Variants in GSG1L observed in about 807,000 individuals in gnomAD.
The protein encoded by GSG1L is germ cell-specific gene 1-like protein.
A neutral mutation model predicts 42.1 loss-of-function variants in GSG1L; 24 were observed. The observed-to-expected ratio is 0.57, with a 90% CI of 0.41 to 0.80. The LOEUF is 0.80. GSG1L is among the 30% of genes least tolerant of loss of function. The pLI, the probability that GSG1L is intolerant of heterozygous loss-of-function variation, is 0.00. For missense variants in GSG1L, 445 were observed against 472.2 expected, an observed-to-expected ratio of 0.94 and a Z score of 0.53; for synonymous variants, 215 against 203.5, an observed-to-expected ratio of 1.06 and a Z score of -0.48.
At chr16:27,959,768 C>A (rs989432921) in intron 2 of GSG1L, among the ~76,000 whole-genome samples, 1 of 152,064 alleles carries the variant, frequency 6.6e-6, no homozygotes, top group Non-Finnish European at 1.5e-5. Context: ...GGCAACAGAG[C>A]AAGACCCCAT....
intron 1 of GSG1L, among the ~76,000 whole-genome samples, chr16:28,012,408 C>A (rs2085730893): frequency 6.6e-6 from 1 of 152,150 alleles, no homozygotes; most frequent in East Asian, 1.9e-4. Flanking sequence ...CCTCTCTGAG[C>A]CTCCATTTTC....
At chr16:27,877,363 A>G (rs2083900533) in intron 3 of GSG1L, among the ~76,000 whole-genome samples, 2 of 152,194 alleles carry the variant, frequency 1.3e-5, no homozygotes, top group East Asian at 3.8e-4. Flanking sequence ...AAGAAGTATT[A>G]AGATTTACCT....
At chr16:27,856,025 G>C (rs1203191987) in intron 3 of GSG1L, among the ~76,000 whole-genome samples, 3 of 152,148 alleles carry the variant, frequency 2.0e-5, no homozygotes, top group African/African-American at 7.2e-5. Context: ...GCTCATTTTA[G>C]AGCAGGATTT....
At chr16:27,888,615 C>G (rs1245051435) in intron 2 of GSG1L, among the ~76,000 whole-genome samples, 1 of 148,378 alleles carries the variant, frequency 6.7e-6, no homozygotes, top group African/African-American at 2.5e-5. Flanking sequence ...CTCTCCCCGC[C>G]CCCCTTTCTT....
At chr16:27,891,119 G>C (rs1709768) in intron 2 of GSG1L, among the ~76,000 whole-genome samples, 92,684 of 151,940 alleles carry the variant, frequency 0.61, 28,941 homozygotes, top group Admixed American at 0.73. Context: ...AGAAGCAGCC[G>C]TCCCCCCGTG....
intron 2 of GSG1L, among the ~76,000 whole-genome samples, chr16:27,894,429 T>C (rs566881319): frequency 6.6e-6 from 1 of 152,256 alleles, no homozygotes; most frequent in Non-Finnish European, 1.5e-5. Flanking sequence ...CAAAGTCATA[T>C]GAAGTCTCAA....
At chr16:27,979,696 AAGGAAGG>A (rs2085298433) in intron 1 of GSG1L, among the ~76,000 whole-genome samples, 1 of 52,226 alleles carries the variant, frequency 1.9e-5, no homozygotes, top group Non-Finnish European at 4.2e-5. Flanking sequence ...AGAAGGAAGG[AAGGAAGG>A]AAGGAAGGAA....
intron 5 of GSG1L, among the ~76,000 whole-genome samples, chr16:27,819,944 G>A (rs1030792352): frequency 3.9e-5 from 6 of 152,132 alleles, no homozygotes; most frequent in Admixed American, 6.5e-5. Flanking sequence ...AGACTAGGAC[G>A]ATGGAAGTGG....
chr16:27,997,199 G>A (rs2085524331), intron 1 of GSG1L, among the ~76,000 whole-genome samples: 1 of 151,252 alleles, frequency 6.6e-6, no homozygotes, highest in Admixed American at 6.6e-5. Flanking sequence ...TCTCCTGGAT[G>A]CCCACATGCC....
intron 2 of GSG1L, among the ~76,000 whole-genome samples, chr16:27,890,262 C>T (rs1357212394): frequency 6.6e-6 from 1 of 152,118 alleles, no homozygotes; most frequent in Non-Finnish European, 1.5e-5. Context: ...CTCAGGGATG[C>T]CATACCAGCC....
chr16:27,920,250 G>T (rs55638423), intron 2 of GSG1L, among the ~76,000 whole-genome samples: 1 of 152,056 alleles, frequency 6.6e-6, no homozygotes, highest in Non-Finnish European at 1.5e-5. Context: ...AGGAATCATG[G>T]TGTGCCTACT....
In GSG1L at chr16:28,047,987, G is replaced by A. The variant is rs144387464; in HGVS notation, c.349+15089C>T. Among the ~76,000 whole-genome samples, 111 of 151,954 alleles carry A rather than the reference G, an allele frequency of 7.3e-4. 2 individuals are homozygous for A. In the East Asian group the frequency reaches 0.015, roughly 20 times the overall value. ...TAATCCTAGCACTTTGGGAGGCTGA[G>A]GCAGGAAGATTGCTTGAGGCCAATA... On this transcript the variant is annotated intron_variant, in intron 1 of 6. Coordinates refer to ENST00000447459, the MANE Select transcript of GSG1L (RefSeq NM_001109763.2).
At chr16:28,034,753 T>C (rs997985208) in intron 1 of GSG1L, among the ~76,000 whole-genome samples, 1 of 152,148 alleles carries the variant, frequency 6.6e-6, no homozygotes, top group Non-Finnish European at 1.5e-5. Context: ...CACTGTGGGA[T>C]ATTTAGCGGC....
chr16:28,004,231 G>T (rs897262039), intron 1 of GSG1L, among the ~76,000 whole-genome samples: 8 of 152,170 alleles, frequency 5.3e-5, no homozygotes, highest in Non-Finnish European at 7.3e-5. Context: ...CTCCCTTGCC[G>T]CCAAGGCCCC....
chr16:27,948,947 T>C (rs924163928), intron 2 of GSG1L, among the ~76,000 whole-genome samples: 1 of 148,956 alleles, frequency 6.7e-6, no homozygotes, highest in Non-Finnish European at 1.5e-5. Flanking sequence ...AGAAAAGATC[T>C]CATTCTGTTA....
At chr16:27,993,091 G>T (rs2085472841) in intron 1 of GSG1L, among the ~76,000 whole-genome samples, 1 of 152,168 alleles carries the variant, frequency 6.6e-6, no homozygotes, top group African/African-American at 2.4e-5. Context: ...GTACAGTGAG[G>T]TTTAGTACCT....
intron 1 of GSG1L, among the ~76,000 whole-genome samples, chr16:28,051,159 C>T (rs1488723288): frequency 1.3e-5 from 2 of 152,172 alleles, no homozygotes; most frequent in Non-Finnish European, 2.9e-5. Flanking sequence ...TCATTACCTA[C>T]CAGTCCCAGG....
In GSG1L at chr16:27,812,258, C is replaced by T. The variant is rs145651773; in HGVS notation, c.831-4704G>A. Among the ~76,000 whole-genome samples the T allele has an allele frequency of 1.5e-3, 223 of 152,252 alleles. 1 individual carries two copies. Among genetic ancestry groups the T allele is most frequent in the African/African-American group, 5.1e-3 (213 of 41,554 alleles). On this transcript the variant is annotated intron_variant, in intron 5 of 6. Coordinates refer to ENST00000447459, the MANE Select transcript of GSG1L (RefSeq NM_001109763.2). ...AAAGACCCCTGCCCTCAAGGATCTC[C>T]TGTTGGTTTTACCCATACACAAATA...
Position 27,803,779 on chromosome 16 carries a change from A to ATATC in GSG1L, c.898+3707_898+3708insGATA, listed in dbSNP as rs2082912913. Among the ~76,000 whole-genome samples the ATATC allele has an allele frequency of 1.3e-4, 11 of 83,366 alleles. No individual in the cohort carries two copies. The Admixed American group carries it at 1.6e-3, about 12-fold the overall frequency. 54.7% of individuals were successfully genotyped at this position (83,366 alleles called of 152,430 possible). A position where few individuals can be genotyped will look rare whatever the true frequency, so the allele number is the denominator to read the frequency against. On this transcript the variant is annotated intron_variant, in intron 6 of 6. Transcript: ENST00000447459. ...CCACAGTGCAGACATATATATATATATATATATATATATATAGATAGATAG... is the reference window on the plus strand; with the variant it reads ...CCACAGTGCAGACATATATATATATATATCTATATATATATATATAGATAGATAG...
Sources: gnomAD v4.1 joint callset for allele counts (sites outside exome capture counted in the v4.1 genomes callset) on GRCh38, gnomAD v4.1.1 for gene constraint, MANE v1.5 for transcripts, NCBI Gene and HGNC (gene_info 2026-07-23, HGNC 2026-07-21) for gene names.